The following PEX7 variants were observed in gnomAD, a reference collection of about 807,000 sequenced individuals.
PEX7 encodes peroxisomal biogenesis factor 7.
In PEX7, 34 loss-of-function variants were observed where a neutral mutation model predicts 47.5. The observed-to-expected ratio is 0.72, with a 90% CI of 0.54 to 0.95. The LOEUF is 0.95. Ranked by LOEUF, PEX7 falls within the 40% of genes least tolerant of loss-of-function variation. PEX7 has a pLI of 0.00. For synonymous variants in PEX7, 141 were observed against 148.8 expected (o/e 0.95, Z 0.38); for missense variants, 394 against 400.3 (o/e 0.98, Z 0.13).
chr6:136,866,692 C>T lies in PEX7; in HGVS notation c.592C>T (p.Gln198Ter), dbSNP rs764924345. ...AGTAAGAATCGTGATTCCTGCACAT[C>T]AGGCAGAAATCTTGAGTTGTGACTG... ...AGVRIVIPAH[Q>*]AEILSCDWCK... is the part of the protein sequence containing the mutation. The change falls in exon 6 of 10, where the codon CAG becomes TAG. Residue 198 changes from glutamine (Q) to a stop codon, truncating the protein, a stop_gained. Coordinates refer to ENST00000318471, the MANE Select transcript of PEX7 (RefSeq NM_000288.4). LOFTEE classifies it high-confidence loss of function. 1.2e-6 allele frequency: 2 copies of T among 1,613,914 alleles called. No homozygotes were observed. The highest frequency in any genetic ancestry group is 2.7e-5 in the African/African-American group (2 of 74,930).
chr6:136,886,488 T>C (rs1775469608), intron 8 of PEX7, among the ~76,000 whole-genome samples: 1 of 152,190 alleles, frequency 6.6e-6, no homozygotes, highest in East Asian at 1.9e-4. Context: ...TAGCAGATGT[T>C]TTAAATGAGA....
At position 136,913,602 on chromosome 6, in the gene PEX7, A is replaced by C; in HGVS notation, c.*76A>C. The C allele has an allele frequency of 1.0e-6, 1 of 960,600 alleles. No homozygotes were observed. Among genetic ancestry groups the C allele is most frequent in the South Asian group, 1.3e-5 (1 of 77,812 alleles). The allele number at this position is 960,600 out of a possible 1,614,324, so 59.5% of individuals were successfully genotyped here. A position where few individuals can be genotyped will look rare whatever the true frequency, so the allele number is the denominator to read the frequency against. On this transcript the variant is annotated 3_prime_UTR_variant, in exon 10 of 10. Transcript: ENST00000318471. ...ACAGCAAATAAATTAACTATGGAAA[A>C]CATAGACATTATGCTTTTATATGCT...
chr6:136,880,803 A>G (rs1450155601), intron 8 of PEX7, among the ~76,000 whole-genome samples: 1 of 152,220 alleles, frequency 6.6e-6, no homozygotes, highest in Non-Finnish European at 1.5e-5. Context: ...AATTACAACA[A>G]TGCTTTGAGA....
At chr6:136,860,976 T>A (rs1774951899) in intron 5 of PEX7, among the ~76,000 whole-genome samples, 1 of 152,234 alleles carries the variant, frequency 6.6e-6, no homozygotes, top group Admixed American at 6.5e-5. Flanking sequence ...TGTTACTGGT[T>A]TTTTTCATGC....
intron 8 of PEX7, among the ~76,000 whole-genome samples, chr6:136,895,003 A>T (rs565518472): frequency 4.3e-4 from 66 of 152,348 alleles, no homozygotes; most frequent in Admixed American, 1.0e-3. Flanking sequence ...CCTTGGATAT[A>T]TAGCACTTAT....
chr6:136,906,901 A>T (rs1254561814), intron 9 of PEX7, among the ~76,000 whole-genome samples: 2 of 152,190 alleles, frequency 1.3e-5, no homozygotes, highest in African/African-American at 2.4e-5. Context: ...GAGGAAGCCC[A>T]TTAATTCCCT....
At chr6:136,828,371 T>G (rs1774235155) in intron 3 of PEX7, among the ~76,000 whole-genome samples, 1 of 152,256 alleles carries the variant, frequency 6.6e-6, no homozygotes, top group Non-Finnish European at 1.5e-5. Flanking sequence ...TTCCTGTCAG[T>G]GAAAGTAAAT....
intron 5 of PEX7, among the ~76,000 whole-genome samples, chr6:136,854,004 T>C (rs1359207784): frequency 1.3e-5 from 2 of 152,130 alleles, no homozygotes; most frequent in African/African-American, 4.8e-5. Flanking sequence ...ACCAGTAATA[T>C]ATTTTTTCTT....
At position 136,908,098 on chromosome 6, in the gene PEX7, A is replaced by C. The variant is rs140453885; in HGVS notation, c.904-5360A>C. ...GGCATTCCATGTATGAAGATGTCTT[A>C]ATGTATATGCCATACATACCTCTGT... is the stretch of plus-strand genomic sequence containing the variant. On this transcript the variant is annotated intron_variant, in intron 9 of 9. Coordinates refer to ENST00000318471, the MANE Select transcript of PEX7 (RefSeq NM_000288.4). Among the ~76,000 whole-genome samples, 75 of 152,304 alleles carry C rather than the reference A, an allele frequency of 4.9e-4. No homozygotes were observed. The East Asian group carries it at 0.014, about 28-fold the overall frequency.
At chr6:136,828,200 G>A (rs1054503221) in intron 3 of PEX7, among the ~76,000 whole-genome samples, 6 of 152,076 alleles carry the variant, frequency 3.9e-5, no homozygotes, top group African/African-American at 1.4e-4. Flanking sequence ...GGGGTTGATG[G>A]CTACTTTAGT....
intron 8 of PEX7, among the ~76,000 whole-genome samples, chr6:136,889,168 G>T (rs760215252): frequency 6.6e-6 from 1 of 151,916 alleles, no homozygotes; most frequent in Non-Finnish European, 1.5e-5. Flanking sequence ...TTTTCCATTT[G>T]ACTTGTTTAA....
intron 8 of PEX7, among the ~76,000 whole-genome samples, chr6:136,895,221 G>A (rs1462876050): frequency 1.3e-5 from 2 of 152,174 alleles, no homozygotes; most frequent in Non-Finnish European, 2.9e-5. Flanking sequence ...GCTAATTAGA[G>A]AGTGAGAATG....
intron 3 of PEX7, among the ~76,000 whole-genome samples, chr6:136,838,277 C>T (rs1277810859): frequency 6.6e-6 from 1 of 152,136 alleles, no homozygotes; most frequent in African/African-American, 2.4e-5. Flanking sequence ...CTGATTAAGC[C>T]TCCAGATCTA....
intron 5 of PEX7, among the ~76,000 whole-genome samples, chr6:136,861,735 G>A (rs1368874856): frequency 6.6e-6 from 1 of 151,586 alleles, no homozygotes; most frequent in Non-Finnish European, 1.5e-5. Context: ...GAAAGGGAAG[G>A]GCTGTTTGAA....
chr6:136,886,472 A>G (rs1775469524), intron 8 of PEX7, among the ~76,000 whole-genome samples: 1 of 152,224 alleles, frequency 6.6e-6, no homozygotes, highest in Admixed American at 6.5e-5. Context: ...TAAGAGCTCA[A>G]AAAACTAGCA....
chr6:136,845,855 A>G (rs575174066), intron 4 of PEX7, among the ~76,000 whole-genome samples, 163 bp downstream of exon 4: 2 of 152,276 alleles, frequency 1.3e-5, no homozygotes, highest in East Asian at 1.9e-4. Flanking sequence ...AAAATTTTCT[A>G]ATCTTTTGGC....
chr6:136,859,610 C>T (rs1222678473), intron 5 of PEX7, among the ~76,000 whole-genome samples: 1 of 152,030 alleles, frequency 6.6e-6, no homozygotes, highest in Non-Finnish European at 1.5e-5. Context: ...AGTTCACTTC[C>T]CAGTTTTAGA....
chr6:136,867,649 G>C (rs1293499806), intron 6 of PEX7, among the ~76,000 whole-genome samples: 2 of 152,122 alleles, frequency 1.3e-5, no homozygotes, highest in Non-Finnish European at 2.9e-5. Context: ...ATGGTGGCAG[G>C]CGCCTGTAGT....
intron 5 of PEX7, among the ~76,000 whole-genome samples, chr6:136,847,945 A>G (rs1455284424): frequency 6.6e-6 from 1 of 152,152 alleles, no homozygotes; most frequent in African/African-American, 2.4e-5. Flanking sequence ...CAGTATGGCC[A>G]TTTTCACGAT....
Sources: allele counts gnomAD v4.1 joint callset (sites outside exome capture counted in the v4.1 genomes callset), GRCh38; gene constraint gnomAD v4.1.1; transcripts MANE v1.5; gene names NCBI Gene and HGNC (gene_info 2026-07-23, HGNC 2026-07-21).